ASH1L: variants seen among roughly 807,000 people sequenced by gnomAD.
ASH1L encodes the protein histone-lysine N-methyltransferase ASH1L.
ASH1L carries 23 observed loss-of-function variants against 269.0 expected under a neutral mutation model. The ratio of observed to expected loss-of-function variants is 0.09; its 90% CI spans 0.06 to 0.12. ASH1L has a LOEUF of 0.12. Ranked by LOEUF, ASH1L falls within the 10% of genes least tolerant of loss-of-function variation. ASH1L has a pLI of 1.00. For missense variants in ASH1L, 2,912 were observed against 3,567.8 expected, an observed-to-expected ratio of 0.82 and a Z score of 4.68; for synonymous variants, 1,187 against 1,253.5, an observed-to-expected ratio of 0.95 and a Z score of 1.12.
chr1:155,520,995 A>G, intron 2 of ASH1L, 105 bp downstream of exon 2: 2 of 1,233,754 alleles, frequency 1.6e-6, no homozygotes, highest in Non-Finnish European at 2.3e-6. Context: ...ATCTGGAAAT[A>G]ACATAGATTA....
intron 1 of ASH1L, among the ~76,000 whole-genome samples, chr1:155,553,577 C>T (rs970788419): frequency 2.0e-5 from 3 of 152,094 alleles, no homozygotes; most frequent in Admixed American, 6.6e-5. Context: ...CTACCTAGAA[C>T]GCCCTCTCTT....
At chr1:155,559,354 G>A (rs189355811) in intron 1 of ASH1L, among the ~76,000 whole-genome samples, 3 of 152,088 alleles carry the variant, frequency 2.0e-5, no homozygotes, top group Non-Finnish European at 1.5e-5. Context: ...TGACCAACAT[G>A]GAGAAACGCT....
At chr1:155,516,067 C>T (rs1668484912) in intron 2 of ASH1L, among the ~76,000 whole-genome samples, 1 of 151,994 alleles carries the variant, frequency 6.6e-6, no homozygotes, top group Admixed American at 6.6e-5. Flanking sequence ...TTTTGTCTTC[C>T]TGCTATAGTA....
At chr1:155,463,639 T>A (rs975450718) in intron 3 of ASH1L, among the ~76,000 whole-genome samples, 6 of 151,434 alleles carry the variant, frequency 4.0e-5, no homozygotes, top group African/African-American at 1.5e-4. Context: ...CAAAAAAAAA[T>A]AAAAATTAGC....
intron 3 of ASH1L, among the ~76,000 whole-genome samples, chr1:155,464,356 T>C: frequency 6.6e-6 from 1 of 152,162 alleles, no homozygotes; most frequent in East Asian, 1.9e-4. Flanking sequence ...GCAGAATAAG[T>C]ATTTCAGAAG....
intron 15 of ASH1L, 140 bp downstream of exon 15, chr1:155,357,176 T>C (rs1654492326): frequency 1.2e-5 from 3 of 259,962 alleles, no homozygotes; most frequent in Non-Finnish European, 2.3e-5. Context: ...ATTTCTTCCA[T>C]CCAGGTTCAT....
intron 1 of ASH1L, among the ~76,000 whole-genome samples, chr1:155,523,075 T>C (rs183193034): frequency 6.6e-6 from 1 of 152,280 alleles, no homozygotes; most frequent in Non-Finnish European, 1.5e-5. Context: ...ATGTCAAACA[T>C]ATGTCTGAGT....
At position 155,370,757 on chromosome 1, in the gene ASH1L, A is replaced by G; in HGVS notation, c.6539+20T>C. On this transcript the variant is annotated intron_variant, in intron 11 of 27. Coordinates refer to ENST00000392403, the MANE Select transcript of ASH1L (RefSeq NM_018489.3). Reference sequence around the variant, plus strand: ...TTATACCTTGGCATTTTATTAGAGTATCATCATTTACCACCGTACCTGAAC... The same window carrying G: ...TTATACCTTGGCATTTTATTAGAGTGTCATCATTTACCACCGTACCTGAAC... 1.9e-6 allele frequency: 3 copies of G among 1,613,970 alleles called. No individual in the cohort carries two copies. The highest frequency in any genetic ancestry group is 1.1e-5 in the South Asian group (1 of 91,066).
Position 155,481,799 on chromosome 1 carries a change from C to A in ASH1L, c.1071G>T (p.Lys357Asn), listed in dbSNP as rs1316980201. ...CAACCACAGTGCCAAGTCCTAACTT[C>A]TTGCCAGACTCTTTATGCACTAAAC... The part of the protein sequence containing the change: ...VPGLVHKESG[K>N]KLGLGTVVGL... The change falls in exon 3 of 28, where the codon AAG becomes AAT. Residue 357 changes from lysine (K) to asparagine (N), a missense_variant. By Grantham distance (94) the Lys-to-Asn change is moderately conservative. Around this residue, in one of 13 missense-constraint regions of ASH1L, gnomAD observed 277 missense variants for 367.7 expected, o/e 0.75. Coordinates refer to ENST00000392403, the MANE Select transcript of ASH1L (RefSeq NM_018489.3). 6.2e-7 allele frequency: 1 copy of A among 1,614,120 alleles called. No individual in the cohort carries two copies. The highest frequency in any genetic ancestry group is 2.2e-5 in the East Asian group (1 of 44,900).
In ASH1L at chr1:155,343,269, C is replaced by T; in HGVS notation, c.8293+45G>A. ...CCGCTGGGATTATCAGCGTGAGCCA[C>T]TGCACTTGGCCGAGGTCATTTTTTA... is the stretch of plus-strand genomic sequence containing the variant. On this transcript the variant is annotated intron_variant, in intron 24 of 27. Coordinates refer to ENST00000392403, the MANE Select transcript of ASH1L (RefSeq NM_018489.3). This position sits in a 1 kb window ranked among gnomAD's most constrained non-coding sequence, Gnocchi z 6.1. 1.9e-6 allele frequency: 3 copies of T among 1,577,316 alleles called. No individual in the cohort carries two copies. Among genetic ancestry groups the T allele is most frequent in the Non-Finnish European group, 2.6e-6 (3 of 1,160,302 alleles).
rs535452626 is a variant in ASH1L, at chr1:155,361,691, G to A, written c.6687-1282C>T. 3.2e-3 allele frequency among the ~76,000 whole-genome samples: 489 copies of A among 151,306 alleles called. 2 individuals carry two copies. The highest frequency in any genetic ancestry group is 0.011 in the African/African-American group (456 of 41,238). ...TCTAGCCTAGCCTGGGCAACAGGAC[G>A]AGACTCCATCTCAAAAAACAAACAA... On this transcript the variant is annotated intron_variant, in intron 12 of 27. Coordinates refer to ENST00000392403, the MANE Select transcript of ASH1L (RefSeq NM_018489.3).
chr1:155,515,252 C>T (rs1668422869), intron 2 of ASH1L, among the ~76,000 whole-genome samples: 1 of 152,148 alleles, frequency 6.6e-6, no homozygotes, highest in African/African-American at 2.4e-5. Context: ...AAAAGTTGGA[C>T]GAATTGGACT....
intron 4 of ASH1L, among the ~76,000 whole-genome samples, chr1:155,447,176 C>CTGTA (rs1663103012): frequency 1.3e-5 from 2 of 152,152 alleles, no homozygotes; most frequent in African/African-American, 4.8e-5. Flanking sequence ...GTTAGGTTAG[C>CTGTA]TGTAGGTTTT....
intron 1 of ASH1L, among the ~76,000 whole-genome samples, chr1:155,561,161 T>TCA (rs1671937602): frequency 6.6e-6 from 1 of 152,088 alleles, no homozygotes; most frequent in Non-Finnish European, 1.5e-5. Flanking sequence ...CCTACCATTT[T>TCA]CACAGAGATT....
At chr1:155,547,172 A>G (rs1045312793) in intron 1 of ASH1L, among the ~76,000 whole-genome samples, 1 of 151,226 alleles carries the variant, frequency 6.6e-6, no homozygotes, top group Non-Finnish European at 1.5e-5. Flanking sequence ...AGGATGGTTT[A>G]GATCTCTTGA....
chr1:155,438,934 C>G lies in ASH1L; in HGVS notation c.5221G>C (p.Ala1741Pro). The G allele has an allele frequency of 6.2e-7, 1 of 1,614,166 alleles. No homozygotes were observed. The highest frequency in any genetic ancestry group is 8.5e-7 in the Non-Finnish European group (1 of 1,180,044). Residue 1741 changes from alanine (A) to proline (P), a missense_variant, in exon 5 of 28, where the codon GCC becomes CCC. By Grantham distance (27) the Ala-to-Pro change is conservative. Around this residue, in one of 13 missense-constraint regions of ASH1L, gnomAD observed 789 missense variants for 897.6 expected, o/e 0.88. Transcript: ENST00000392403. ...EKSIDAVIAT[A>P]SAPPSSSPGR... The stretch of plus-strand genomic sequence containing the variant: ...GGACTGGAAGAAGGTGGTGCAGAGG[C>G]AGTTGCAATCACAGCATCAATACTT...
At chr1:155,435,020 T>C (rs941923710) in intron 5 of ASH1L, among the ~76,000 whole-genome samples, 14 of 151,998 alleles carry the variant, frequency 9.2e-5, no homozygotes, top group Non-Finnish European at 7.4e-5. Context: ...TAGCTGGGCA[T>C]GGTGGCGCAT....
intron 7 of ASH1L, among the ~76,000 whole-genome samples, chr1:155,380,928 C>T (rs1304365984): frequency 6.6e-6 from 1 of 151,886 alleles, no homozygotes; most frequent in Non-Finnish European, 1.5e-5. Flanking sequence ...GCATGAGCCA[C>T]CGCACCTGGC....
chr1:155,483,314 C>A (rs1360034436), intron 2 of ASH1L, among the ~76,000 whole-genome samples: 1 of 152,086 alleles, frequency 6.6e-6, no homozygotes, highest in Non-Finnish European at 1.5e-5. Flanking sequence ...AATAAAAATA[C>A]CAACAGATTT....
Sources: gnomAD v4.1 joint callset for allele counts (sites outside exome capture counted in the v4.1 genomes callset) on GRCh38, gnomAD v4.1.1 for gene constraint, gnomAD v4.1.1 regional missense constraint, Gnocchi (gnomAD v3.1) non-coding constraint, MANE v1.5 for transcripts, NCBI Gene and HGNC (gene_info 2026-07-23, HGNC 2026-07-21) for gene names.